Variants in ACVR1 observed in about 807,000 individuals in gnomAD.
ACVR1 encodes the protein activin receptor type-1.
ACVR1 carries 38 observed loss-of-function variants against 57.1 expected under a neutral mutation model. That is an observed-to-expected ratio of 0.67 (90% CI 0.51 to 0.87). ACVR1 has a LOEUF of 0.87. ACVR1 is among the 40% of genes least tolerant of loss of function. The pLI, the probability that ACVR1 is intolerant of heterozygous loss-of-function variation, is 0.00. For synonymous variants in ACVR1, 212 were observed against 228.1 expected, an observed-to-expected ratio of 0.93 and a Z score of 0.63; for missense variants, 463 against 638.2, an observed-to-expected ratio of 0.73 and a Z score of 2.96.
chr2:157,851,900 CACACACA>C (rs1284476016), intron 1 of ACVR1, among the ~76,000 whole-genome samples: 7,337 of 38,982 alleles, frequency 0.19, 822 homozygotes, highest in Middle Eastern at 0.26. Flanking sequence ...CACACACACA[CACACACA>C]CACCACCCCC....
At chr2:157,756,859 A>G (rs1331246364) in intron 9 of ACVR1, among the ~76,000 whole-genome samples, 2 of 151,570 alleles carry the variant, frequency 1.3e-5, no homozygotes, top group East Asian at 3.9e-4. Flanking sequence ...ACACATTTAT[A>G]GCAGCACAGT....
At chr2:157,813,729 G>A (rs1687835438) in intron 2 of ACVR1, among the ~76,000 whole-genome samples, 1 of 152,182 alleles carries the variant, frequency 6.6e-6, no homozygotes, top group Non-Finnish European at 1.5e-5. Flanking sequence ...CTTACACAGG[G>A]ACTGTTAAGT....
In ACVR1 at chr2:157,736,856, G is replaced by A. The variant is rs371191871; in HGVS notation, c.*675C>T. ...TTTAACATATGCACAAAGCAGTTTT[G>A]TAAAAACTACTAAGTGCACAAGTAA... is the stretch of plus-strand genomic sequence containing the variant. On this transcript the variant is annotated 3_prime_UTR_variant, in exon 11 of 11. Transcript: ENST00000434821. The A allele has an allele frequency of 6.0e-6, 2 of 330,794 alleles. No individual in the cohort carries two copies. Among genetic ancestry groups the A allele is most frequent in the Non-Finnish European group, 1.1e-5 (2 of 179,916 alleles). 20.5% of individuals were successfully genotyped at this position (330,794 alleles called of 1,614,324 possible).
chr2:157,833,979 T>G (rs192170218), intron 1 of ACVR1, among the ~76,000 whole-genome samples: 3 of 152,364 alleles, frequency 2.0e-5, no homozygotes, highest in African/African-American at 7.2e-5. Context: ...CTCTTAGAAC[T>G]TCTAACCAAA....
chr2:157,763,210 G>C (rs780062800), intron 8 of ACVR1, among the ~76,000 whole-genome samples: 39 of 152,164 alleles, frequency 2.6e-4, no homozygotes, highest in Non-Finnish European at 4.1e-4. Flanking sequence ...TGATTATGAA[G>C]AAGATGCATT....
intron 1 of ACVR1, among the ~76,000 whole-genome samples, chr2:157,842,664 C>G (rs1382157355): frequency 1.3e-5 from 2 of 152,176 alleles, no homozygotes; most frequent in Admixed American, 1.3e-4. Flanking sequence ...TCTTCAACAT[C>G]CAGTTACAAC....
chr2:157,841,787 G>C (rs1370960519), intron 1 of ACVR1, among the ~76,000 whole-genome samples: 1 of 152,088 alleles, frequency 6.6e-6, no homozygotes, highest in Admixed American at 6.5e-5. Flanking sequence ...ACTTTGGGAG[G>C]CCAAGGCAGG....
At chr2:157,796,287 C>G (rs1687117223) in intron 3 of ACVR1, among the ~76,000 whole-genome samples, 1 of 151,774 alleles carries the variant, frequency 6.6e-6, no homozygotes, top group Admixed American at 6.6e-5. Flanking sequence ...CAAGGTGGCT[C>G]AAGCCTATAA....
intron 1 of ACVR1, among the ~76,000 whole-genome samples, chr2:157,870,346 C>T (rs1422126617): frequency 6.6e-6 from 1 of 152,114 alleles, no homozygotes; most frequent in Non-Finnish European, 1.5e-5. Flanking sequence ...TCTTGCTTTT[C>T]GATGGCATGG....
chr2:157,741,813 C>T (rs1012556199), intron 9 of ACVR1, among the ~76,000 whole-genome samples: 1 of 152,008 alleles, frequency 6.6e-6, no homozygotes, highest in African/African-American at 2.4e-5. Context: ...CATGGTATCA[C>T]AAGTCCCCAT....
chr2:157,794,103 A>G (rs2105298730), intron 3 of ACVR1, among the ~76,000 whole-genome samples: 1 of 152,322 alleles, frequency 6.6e-6, no homozygotes, highest in South Asian at 2.1e-4. Flanking sequence ...AAGGAGCAAT[A>G]TTCCCTTTAA....
chr2:157,819,685 G>T (rs1688089878), intron 1 of ACVR1, among the ~76,000 whole-genome samples: 2 of 152,048 alleles, frequency 1.3e-5, no homozygotes, highest in African/African-American at 4.8e-5. Context: ...AGACAGATCT[G>T]GTTCAAAGGC....
At chr2:157,765,480 ACT>A (rs199609932) in intron 8 of ACVR1, among the ~76,000 whole-genome samples, 2,481 of 152,086 alleles carry the variant, frequency 0.016, 28 homozygotes, top group Middle Eastern at 0.041. Context: ...GTAATGGGAA[ACT>A]CTGTATCTCG....
intron 1 of ACVR1, among the ~76,000 whole-genome samples, chr2:157,844,973 A>C (rs911309719): frequency 2.6e-5 from 4 of 152,212 alleles, no homozygotes; most frequent in African/African-American, 9.7e-5. Flanking sequence ...GAACCTCCAG[A>C]ACTGTAAGCA....
intron 9 of ACVR1, among the ~76,000 whole-genome samples, chr2:157,742,826 C>G (rs879687902): frequency 1.3e-5 from 2 of 152,216 alleles, no homozygotes; most frequent in Non-Finnish European, 2.9e-5. Context: ...AGACAGCCAT[C>G]TTCTTTCCGC....
chr2:157,842,844 T>G (rs1414064110), intron 1 of ACVR1, among the ~76,000 whole-genome samples: 1 of 152,188 alleles, frequency 6.6e-6, no homozygotes, highest in Non-Finnish European at 1.5e-5. Context: ...GTTCTAAGGT[T>G]CATCTACTAT....
rs535383055 is a variant in ACVR1 at position 157,783,086 on chromosome 2, G to C, written c.68-2486C>G. ...GCAACGCTAGACTAGAAGAGAGCCT[G>C]CTCATCATTGGTCCTAAATGGTCCT... On this transcript the variant is annotated intron_variant, in intron 3 of 10. Coordinates refer to ENST00000434821, the MANE Select transcript of ACVR1 (RefSeq NM_001111067.4). 3.9e-5 allele frequency among the ~76,000 whole-genome samples: 6 copies of C among 152,312 alleles called. No homozygotes were observed. The East Asian group carries it at 1.2e-3, about 29-fold the overall frequency.
chr2:157,767,856 C>T (rs1189664627), intron 7 of ACVR1, among the ~76,000 whole-genome samples: 1 of 152,140 alleles, frequency 6.6e-6, no homozygotes, highest in Non-Finnish European at 1.5e-5. Context: ...GAAAGGTCCC[C>T]TATTTGATCA....
chr2:157,818,135 T>C (rs577135750), intron 2 of ACVR1, among the ~76,000 whole-genome samples: 5 of 152,172 alleles, frequency 3.3e-5, no homozygotes, highest in African/African-American at 7.2e-5. Context: ...ATTTAAAGAA[T>C]AGCTGTGCAG....
Sources: allele counts gnomAD v4.1 joint callset (sites outside exome capture counted in the v4.1 genomes callset), GRCh38; gene constraint gnomAD v4.1.1; transcripts MANE v1.5; gene names NCBI Gene and HGNC (gene_info 2026-07-23, HGNC 2026-07-21).